RIGI: variants seen among roughly 807,000 people sequenced by gnomAD.
RIGI encodes the protein RNA sensor RIG-I, also known as antiviral innate immune response receptor RIG-I.
At chr9:32,485,314 A>G in the RIGI span, 4 of 1,417,716 alleles carry the variant, frequency 2.8e-6, no homozygotes, top group Admixed American at 1.9e-5. Flanking sequence ...AAAGAAAAAA[A>G]GAGTGAGTAT....
At chr9:32,477,751 C>T in the RIGI span, among the ~76,000 whole-genome samples, 1 of 151,860 alleles carries the variant, frequency 6.6e-6, no homozygotes, top group Non-Finnish European at 1.5e-5. Context: ...ATGCTGAAAC[C>T]CCATCTCTAC....
chr9:32,522,362 G>A, the RIGI span, among the ~76,000 whole-genome samples: 1 of 152,086 alleles, frequency 6.6e-6, no homozygotes, highest in African/African-American at 2.4e-5. Flanking sequence ...TAAACTATTT[G>A]TGAATATTCT....
At chr9:32,514,781 A>G in the RIGI span, among the ~76,000 whole-genome samples, 1 of 152,362 alleles carries the variant, frequency 6.6e-6, no homozygotes, top group East Asian at 1.9e-4. Context: ...TTATAAAATT[A>G]TTTAAAATCA....
At chr9:32,515,039 T>C in the RIGI span, among the ~76,000 whole-genome samples, 1 of 152,226 alleles carries the variant, frequency 6.6e-6, no homozygotes, top group Non-Finnish European at 1.5e-5. Context: ...TTTTACTCTT[T>C]AGTTACATTA....
the RIGI span, among the ~76,000 whole-genome samples, chr9:32,481,047 GTTCTC>G: frequency 3.3e-5 from 5 of 152,162 alleles, no homozygotes; most frequent in Non-Finnish European, 7.3e-5. Flanking sequence ...CTGGAATAAT[GTTCTC>G]TCACAATCAC....
the RIGI span, among the ~76,000 whole-genome samples, chr9:32,504,193 C>T: frequency 1.3e-5 from 2 of 152,038 alleles, no homozygotes; most frequent in South Asian, 2.1e-4. Flanking sequence ...ACGTTACTAG[C>T]GTCAATAATC....
At chr9:32,509,457 C>G in the RIGI span, among the ~76,000 whole-genome samples, 2 of 152,192 alleles carry the variant, frequency 1.3e-5, no homozygotes, top group African/African-American at 2.4e-5. Context: ...CCCAGGCAAA[C>G]AGGGTCTGGA....
At chr9:32,467,648 C>T in the RIGI span, 1 of 1,042,132 alleles carries the variant, frequency 9.6e-7, no homozygotes, top group Non-Finnish European at 1.3e-6. Flanking sequence ...TGCACTGTGC[C>T]ATTGGTCACA....
the RIGI span, among the ~76,000 whole-genome samples, chr9:32,491,831 G>C: frequency 6.6e-6 from 1 of 151,448 alleles, no homozygotes; most frequent in South Asian, 2.1e-4. Context: ...AACAACTTAT[G>C]ATCTAAAGAA....
chr9:32,521,100 G>A, the RIGI span, among the ~76,000 whole-genome samples: 650 of 122,748 alleles, frequency 5.3e-3, 5 homozygotes, highest in Admixed American at 0.017. Flanking sequence ...AGCCAAGATC[G>A]CACCACTGTA....
the RIGI span, among the ~76,000 whole-genome samples, chr9:32,458,419 A>G: frequency 7.2e-5 from 11 of 152,198 alleles, no homozygotes; most frequent in Non-Finnish European, 8.8e-5. Flanking sequence ...ATATTAATAC[A>G]TTTTGGTATA....
At chr9:32,459,506 A>G in the RIGI span, 1 of 1,603,898 alleles carries the variant, frequency 6.2e-7, no homozygotes. Flanking sequence ...GAGTCTGTAT[A>G]TGCAGAATCT....
the RIGI span, among the ~76,000 whole-genome samples, chr9:32,507,143 A>G: frequency 6.6e-6 from 1 of 152,176 alleles, no homozygotes; most frequent in Admixed American, 6.5e-5. Flanking sequence ...ACACCCAAAC[A>G]TGGTTTTTAT....
chr9:32,477,135 C>A, the RIGI span: 1 of 1,612,108 alleles, frequency 6.2e-7, no homozygotes, highest in Non-Finnish European at 8.5e-7. Flanking sequence ...AGCTTTTCTG[C>A]AAATGGGAAA....
the RIGI span, among the ~76,000 whole-genome samples, chr9:32,508,344 C>T: frequency 6.9e-6 from 1 of 144,954 alleles, no homozygotes; most frequent in Non-Finnish European, 1.5e-5. Context: ...GTCTGCAGCT[C>T]ACAGAGAGAT....
At chr9:32,457,130 A>T in the RIGI span, 1 of 1,612,330 alleles carries the variant, frequency 6.2e-7, no homozygotes, top group Non-Finnish European at 8.5e-7. Context: ...TATCATTTGG[A>T]CATTTCTGCT....
At chr9:32,504,423 A>T in the RIGI span, among the ~76,000 whole-genome samples, 3 of 152,122 alleles carry the variant, frequency 2.0e-5, no homozygotes, top group African/African-American at 7.2e-5. Context: ...CACGCCTGTA[A>T]TCCCAGCACT....
chr9:32,508,048 T>C, the RIGI span, among the ~76,000 whole-genome samples: 6 of 152,050 alleles, frequency 3.9e-5, no homozygotes, highest in African/African-American at 4.8e-5. Context: ...ACAAAACATA[T>C]AAAACCTCAT....
chr9:32,476,895 T>G, the RIGI span: 3 of 1,151,186 alleles, frequency 2.6e-6, no homozygotes, highest in Non-Finnish European at 3.7e-6. Context: ...CTTCTGGGAT[T>G]ACAGGCGTGA....
Sources: gnomAD v4.1 joint callset for allele counts (sites outside exome capture counted in the v4.1 genomes callset) on GRCh38, gnomAD v4.1.1 for gene constraint, MANE v1.5 for transcripts, NCBI Gene and HGNC (gene_info 2026-07-23, HGNC 2026-07-21) for gene names.